The following NCAM1 variants were observed in gnomAD, a reference collection of about 807,000 sequenced individuals.
The protein encoded by NCAM1 is neural cell adhesion molecule 1.
NCAM1 carries 14 observed loss-of-function variants against 109.8 expected under a neutral mutation model. That is an observed-to-expected ratio of 0.13 (90% CI 0.08 to 0.20). NCAM1 has a LOEUF of 0.20. NCAM1 is among the 10% of genes least tolerant of loss of function. The probability of loss-of-function intolerance (pLI) is 1.00; values close to 1 mark genes in which losing one functional copy is unlikely to be tolerated. For synonymous variants in NCAM1, 418 were observed against 442.9 expected (o/e 0.94, Z 0.70); for missense variants, 774 against 1,109.9 (o/e 0.70, Z 4.30).
rs531203109 is a variant in NCAM1 at position 113,205,857 on chromosome 11, G to A, written c.491-186G>A. On this transcript the variant is annotated intron_variant, in intron 4 of 19. Transcript: ENST00000316851. The stretch of plus-strand genomic sequence containing the variant: ...AGGTACCTGATTTTCTCTCCAGTAC[G>A]AAAGACAAATTTCTAATAGACATTT... Among the ~76,000 whole-genome samples, 6 of 152,256 alleles carry A rather than the reference G, an allele frequency of 3.9e-5. No individual in the cohort carries two copies. In the South Asian group the frequency reaches 8.3e-4, roughly 21 times the overall value.
intron 1 of NCAM1, among the ~76,000 whole-genome samples, chr11:113,127,952 G>A (rs1169170676): frequency 6.6e-6 from 1 of 152,178 alleles, no homozygotes; most frequent in Admixed American, 6.5e-5. Flanking sequence ...GAGGGCGGCT[G>A]CTTATCACAT....
rs369107930 is a variant in NCAM1 at position 113,275,373 on chromosome 11, G to A, written c.2563G>A (p.Glu855Lys). ...PNDATQTKEN[E>K]SKA is the part of the protein sequence containing the mutation. The stretch of plus-strand genomic sequence containing the variant: ...TGACGCCACACAGACAAAGGAGAAC[G>A]AGAGCAAAGCATGATGGGTGAAGAG... Residue 855 changes from glutamate (E) to lysine (K), a missense_variant, in exon 20 of 20, where the codon GAG (glutamate) becomes AAG (lysine). By Grantham distance (56) the Glu-to-Lys change is moderately conservative (BLOSUM62 1). Around this residue, in one of 4 missense-constraint regions of NCAM1, gnomAD observed 122 missense variants for 129.7 expected, o/e 0.94. Coordinates refer to ENST00000316851, the MANE Select transcript of NCAM1 (RefSeq NM_181351.5). The A allele has an allele frequency of 8.1e-6, 13 of 1,612,736 alleles. No homozygotes were observed. The highest frequency in any genetic ancestry group is 8.0e-5 in the African/African-American group (6 of 74,864).
chr11:113,014,442 C>T (rs1219016282), intron 1 of NCAM1, among the ~76,000 whole-genome samples: 19 of 152,242 alleles, frequency 1.2e-4, no homozygotes, highest in African/African-American at 4.6e-4. Context: ...CCATAGGGCT[C>T]ATTCCCGTCT....
intron 1 of NCAM1, among the ~76,000 whole-genome samples, chr11:113,108,146 G>A: frequency 6.6e-6 from 1 of 152,144 alleles, no homozygotes; most frequent in East Asian, 1.9e-4. Flanking sequence ...GCTCTGGCTT[G>A]AGGAATTTTT....
chr11:113,024,587 G>A (rs1278056066), intron 1 of NCAM1, among the ~76,000 whole-genome samples: 5 of 152,052 alleles, frequency 3.3e-5, no homozygotes, highest in African/African-American at 1.2e-4. Context: ...ATGCTGACAA[G>A]TTGTTTGCAA....
chr11:113,136,240 T>C lies in NCAM1; in HGVS notation c.53-66139T>C, dbSNP rs543462775. Among the ~76,000 whole-genome samples the C allele has an allele frequency of 7.2e-5, 11 of 152,324 alleles. No homozygotes were observed. The East Asian group carries it at 1.4e-3, about 19-fold the overall frequency. ...TTTGAGACATGGTAGTCTTCGGAAGTCCATCACTGCAAAACATGCAAGTAG... is the reference window on the plus strand; with the variant it reads ...TTTGAGACATGGTAGTCTTCGGAAGCCCATCACTGCAAAACATGCAAGTAG... On this transcript the variant is annotated intron_variant, in intron 1 of 19. Transcript: ENST00000316851.
chr11:113,157,580 TC>T lies in NCAM1; in HGVS notation c.53-44797del, dbSNP rs1942460557. On this transcript the variant is annotated intron_variant, in intron 1 of 19. Coordinates refer to ENST00000316851, the MANE Select transcript of NCAM1 (RefSeq NM_181351.5). ...ATTTTTGGTTCAGGCTTCTCTATAC[TC>T]CTACACATTACTGAGGACCCCAAAG... is the stretch of plus-strand genomic sequence containing the variant. Among the ~76,000 whole-genome samples the T allele has an allele frequency of 2.6e-5, 4 of 152,128 alleles. No individual in the cohort carries two copies. In the South Asian group the frequency reaches 8.3e-4, roughly 32 times the overall value.
chr11:113,054,670 T>C (rs1367478723), intron 1 of NCAM1, among the ~76,000 whole-genome samples: 3 of 152,200 alleles, frequency 2.0e-5, no homozygotes, highest in Non-Finnish European at 4.4e-5. Context: ...GGGGGCCAAA[T>C]TGATCCAGTC....
rs564936774 is a variant in NCAM1 at position 113,159,612 on chromosome 11, A to G, written c.53-42767A>G. On this transcript the variant is annotated intron_variant, in intron 1 of 19. Coordinates refer to ENST00000316851, the MANE Select transcript of NCAM1 (RefSeq NM_181351.5). ...CTGCATATATAAACATGTATTAGAG[A>G]ATTATTTCTATTACATGCATTTTAT... 3.0e-4 allele frequency among the ~76,000 whole-genome samples: 45 copies of G among 152,192 alleles called. 1 individual carries two copies. In the South Asian group the frequency reaches 9.3e-3, roughly 32 times the overall value.
Position 113,055,447 on chromosome 11 carries a change from C to T in NCAM1, c.52+93783C>T, listed in dbSNP as rs142111574. Reference sequence around the variant, plus strand: ...GTTATGCTTTACAGAAATTTTTAGTCGTAGAATTCTCTAGTAACCTAAAAG... The same window carrying T: ...GTTATGCTTTACAGAAATTTTTAGTTGTAGAATTCTCTAGTAACCTAAAAG... On this transcript the variant is annotated intron_variant, in intron 1 of 19. Coordinates refer to ENST00000316851, the MANE Select transcript of NCAM1 (RefSeq NM_181351.5). Among the ~76,000 whole-genome samples, 99 of 152,214 alleles carry T rather than the reference C, an allele frequency of 6.5e-4. 1 individual carries two copies. The highest frequency in any genetic ancestry group is 1.0e-3 in the African/African-American group (43 of 41,548).
At chr11:113,175,807 G>A (rs1555106909) in intron 1 of NCAM1, among the ~76,000 whole-genome samples, 3 of 152,100 alleles carry the variant, frequency 2.0e-5, no homozygotes, top group Middle Eastern at 3.4e-3. Flanking sequence ...GTATAATTAT[G>A]CATATATAAA....
chr11:113,131,961 G>A (rs539234528), intron 1 of NCAM1, among the ~76,000 whole-genome samples: 6 of 152,336 alleles, frequency 3.9e-5, no homozygotes, highest in African/African-American at 7.2e-5. Flanking sequence ...CTTGAAGTCC[G>A]TCTGGAGCTA....
chr11:113,190,172 C>T (rs941669786), intron 1 of NCAM1, among the ~76,000 whole-genome samples: 1 of 152,164 alleles, frequency 6.6e-6, no homozygotes, highest in East Asian at 1.9e-4. Flanking sequence ...GCCAGAGGCC[C>T]TTGCTGTTCT....
intron 1 of NCAM1, among the ~76,000 whole-genome samples, chr11:113,125,296 CA>C (rs1332920970): frequency 2.0e-5 from 3 of 152,154 alleles, no homozygotes; most frequent in African/African-American, 7.2e-5. Context: ...AGGAATGGAC[CA>C]CGTTTCCTCT....
Position 113,207,968 on chromosome 11 carries a change from C to A in NCAM1, c.882C>A (p.Gly294=). 6.2e-7 allele frequency: 1 copy of A among 1,611,400 alleles called. No homozygotes were observed. Among genetic ancestry groups the A allele is most frequent in the Non-Finnish European group, 8.5e-7 (1 of 1,178,926 alleles). Residue 294 remains glycine, a synonymous_variant, in exon 7 of 20, where the codon GGC becomes GGA. Transcript: ENST00000316851. ...TCTGCATTGCTGAGAACAAGGCTGGCGAGCAGGATGCGACCATCCACCTCA... is the reference window on the plus strand; with the variant it reads ...TCTGCATTGCTGAGAACAAGGCTGGAGAGCAGGATGCGACCATCCACCTCA... ...EYICIAENKA[G]EQDATIHLKV...
chr11:113,153,182 A>G (rs1353970347), intron 1 of NCAM1, among the ~76,000 whole-genome samples: 1 of 151,986 alleles, frequency 6.6e-6, no homozygotes, highest in Non-Finnish European at 1.5e-5. Context: ...AGCTGGCACT[A>G]CAGGCACCCG....
At chr11:113,139,426 T>A (rs1941730032) in intron 1 of NCAM1, among the ~76,000 whole-genome samples, 1 of 152,142 alleles carries the variant, frequency 6.6e-6, no homozygotes, top group African/African-American at 2.4e-5. Context: ...GTCTTTTTTT[T>A]TTAACAAAAT....
chr11:113,012,528 C>T (rs782612697), intron 1 of NCAM1, among the ~76,000 whole-genome samples: 1 of 152,130 alleles, frequency 6.6e-6, no homozygotes, highest in Non-Finnish European at 1.5e-5. Context: ...CTGGGGCCAG[C>T]AGTCTGAAAT....
intron 1 of NCAM1, among the ~76,000 whole-genome samples, chr11:113,078,694 T>C (rs1230758245): frequency 1.3e-5 from 2 of 152,162 alleles, no homozygotes; most frequent in African/African-American, 4.8e-5. Flanking sequence ...GGCCATCCCA[T>C]GTGGCTGTTC....
Sources: gnomAD v4.1 joint callset for allele counts (sites outside exome capture counted in the v4.1 genomes callset) on GRCh38, gnomAD v4.1.1 for gene constraint, gnomAD v4.1.1 regional missense constraint, MANE v1.5 for transcripts, NCBI Gene and HGNC (gene_info 2026-07-23, HGNC 2026-07-21) for gene names.